The following OCA2 variants were observed in gnomAD, a reference collection of about 807,000 sequenced individuals.
OCA2 encodes P protein.
OCA2 carries 77 observed loss-of-function variants against 100.2 expected under a neutral mutation model. The ratio of observed to expected loss-of-function variants is 0.77; its 90% CI spans 0.64 to 0.93. The LOEUF (loss-of-function observed/expected upper bound fraction) is 0.93, where lower values mean the gene tolerates loss of function less well. Among genes scored for constraint, OCA2 ranks in the 40% least tolerant of loss-of-function variants. OCA2 has a pLI of 0.00. For synonymous variants in OCA2, 432 were observed against 439.2 expected, an observed-to-expected ratio of 0.98 and a Z score of 0.21; for missense variants, 1,062 against 1,089.1, an observed-to-expected ratio of 0.98 and a Z score of 0.35.
At chr15:28,086,021 C>G (rs910868992) in intron 1 of OCA2, among the ~76,000 whole-genome samples, 2 of 152,178 alleles carry the variant, frequency 1.3e-5, no homozygotes, top group African/African-American at 4.8e-5. Flanking sequence ...TGCCTGGCCC[C>G]CAGTCCTCAC....
chr15:27,875,011 T>C (rs190768599), intron 19 of OCA2, among the ~76,000 whole-genome samples: 98 of 152,114 alleles, frequency 6.4e-4, no homozygotes, highest in African/African-American at 2.3e-3. Flanking sequence ...AATCAAAAGC[T>C]AAGTATCCAT....
chr15:27,746,710 A>G, the OCA2 span, among the ~76,000 whole-genome samples: 1 of 152,174 alleles, frequency 6.6e-6, no homozygotes, highest in Non-Finnish European at 1.5e-5. Flanking sequence ...GCCTAAATAA[A>G]GTCAGTCTCC....
chr15:27,753,724 G>A (rs1031731050), downstream of OCA2, among the ~76,000 whole-genome samples: 32 of 151,740 alleles, frequency 2.1e-4, no homozygotes, highest in African/African-American at 7.8e-4. Flanking sequence ...GCAACTGAGC[G>A]AGACTCCATC....
chr15:27,945,404 A>C (rs766154303), intron 18 of OCA2, among the ~76,000 whole-genome samples: 1 of 152,186 alleles, frequency 6.6e-6, no homozygotes, highest in Non-Finnish European at 1.5e-5. Context: ...TCAGGCAAGC[A>C]CTATTCTGCC....
intron 23 of OCA2, among the ~76,000 whole-genome samples, chr15:27,816,059 G>C (rs2034286272): frequency 6.6e-6 from 1 of 152,190 alleles, no homozygotes. Flanking sequence ...ACTTGAACCT[G>C]GGAGGCGGAG....
intron 23 of OCA2, among the ~76,000 whole-genome samples, chr15:27,769,779 G>A (rs1360746258): frequency 1.3e-5 from 2 of 152,150 alleles, no homozygotes; most frequent in African/African-American, 4.8e-5. Context: ...AAGGCCCATG[G>A]AGGATGCACG....
chr15:27,940,367 A>G (rs2039605220), intron 18 of OCA2, among the ~76,000 whole-genome samples: 1 of 152,222 alleles, frequency 6.6e-6, no homozygotes, highest in Admixed American at 6.5e-5. Flanking sequence ...TGAAGCCACA[A>G]GACCAACCCG....
At chr15:27,966,652 T>C (rs2040576436) in intron 15 of OCA2, 38 bp downstream of exon 15, 4 of 1,611,548 alleles carry the variant, frequency 2.5e-6, no homozygotes, top group Non-Finnish European at 3.4e-6. Flanking sequence ...ATTATGGTCA[T>C]GAAATCTGAG....
chr15:27,941,507 A>G (rs1030425596), intron 18 of OCA2, among the ~76,000 whole-genome samples: 1 of 151,646 alleles, frequency 6.6e-6, no homozygotes, highest in South Asian at 2.1e-4. Flanking sequence ...CTCTACCCCC[A>G]AATTCATTAA....
At chr15:27,871,128 C>T (rs775883270) in intron 21 of OCA2, 26 bp downstream of exon 21, 7 of 1,556,550 alleles carry the variant, frequency 4.5e-6, no homozygotes, top group Non-Finnish European at 6.2e-6. Flanking sequence ...AAAGTTGAGC[C>T]GTCGACATGG....
intron 23 of OCA2, among the ~76,000 whole-genome samples, chr15:27,773,492 T>C (rs1278611193): frequency 6.6e-6 from 1 of 152,216 alleles, no homozygotes; most frequent in Admixed American, 6.5e-5. Flanking sequence ...TTTGTTCAGA[T>C]ATGTTTGGAG....
At chr15:27,750,199 C>T (rs2030020402), downstream of OCA2, among the ~76,000 whole-genome samples, 1 of 152,134 alleles carries the variant, frequency 6.6e-6, no homozygotes, top group Admixed American at 6.5e-5. Flanking sequence ...TTCTCCAGGG[C>T]TCTTACAAGA....
intron 1 of OCA2, among the ~76,000 whole-genome samples, chr15:28,083,308 T>A (rs1051400602): frequency 6.6e-6 from 1 of 152,164 alleles, no homozygotes; most frequent in Non-Finnish European, 1.5e-5. Flanking sequence ...ACTTCAAATA[T>A]AGAAAAACAT....
intron 23 of OCA2, among the ~76,000 whole-genome samples, chr15:27,819,283 C>T (rs190803217): frequency 5.6e-4 from 86 of 152,250 alleles, no homozygotes; most frequent in Admixed American, 2.2e-3. Context: ...CAATGGCCTG[C>T]GCAGTAAGCA....
chr15:27,891,903 A>G (rs1008595202), intron 19 of OCA2, among the ~76,000 whole-genome samples: 28 of 152,192 alleles, frequency 1.8e-4, no homozygotes, highest in African/African-American at 6.8e-4. Flanking sequence ...CACAAAAAAA[A>G]TCTAAGCAAG....
chr15:27,731,322 T>C, the OCA2 span, among the ~76,000 whole-genome samples: 1 of 152,222 alleles, frequency 6.6e-6, no homozygotes. Flanking sequence ...TAGTTCTCAG[T>C]GAGAAAATTA....
chr15:28,075,427 T>C (rs1268656048), intron 2 of OCA2, among the ~76,000 whole-genome samples: 1 of 152,194 alleles, frequency 6.6e-6, no homozygotes, highest in Non-Finnish European at 1.5e-5. Context: ...CAATATTAAG[T>C]GCTGACAATG....
chr15:27,930,266 C>T (rs1279247396), intron 18 of OCA2, among the ~76,000 whole-genome samples: 1 of 152,016 alleles, frequency 6.6e-6, no homozygotes, highest in Non-Finnish European at 1.5e-5. Context: ...AATGTGTGTA[C>T]AAAAAGATGG....
At chr15:27,828,529 C>T (rs917235505) in intron 23 of OCA2, among the ~76,000 whole-genome samples, 3 of 152,156 alleles carry the variant, frequency 2.0e-5, no homozygotes, top group African/African-American at 7.2e-5. Context: ...CAGAGAAATT[C>T]AATTTTTGCC....
Sources: gnomAD v4.1 joint callset for allele counts (sites outside exome capture counted in the v4.1 genomes callset) on GRCh38, gnomAD v4.1.1 for gene constraint, MANE v1.5 for transcripts, NCBI Gene and HGNC (gene_info 2026-07-23, HGNC 2026-07-21) for gene names.